The following RGSL1 variants were observed in gnomAD, a reference collection of about 807,000 sequenced individuals.
RGSL1 encodes regulator of G protein signaling like 1.
Under a neutral mutation model 124.7 loss-of-function variants are expected in RGSL1, and 97 were observed. The observed-to-expected ratio is 0.78, with a 90% CI of 0.66 to 0.92. The LOEUF (loss-of-function observed/expected upper bound fraction) is 0.92, where lower values mean the gene tolerates loss of function less well. Among genes scored for constraint, RGSL1 ranks in the 40% least tolerant of loss-of-function variants. RGSL1 has a pLI of 0.00. For synonymous variants in RGSL1, 424 were observed against 438.1 expected (o/e 0.97, Z 0.40); for missense variants, 1,233 against 1,288.4 (o/e 0.96, Z 0.66).
In RGSL1 at chr1:182,551,195, C is replaced by A. The variant is rs1660540582; in HGVS notation, c.3029C>A (p.Pro1010His). ...CCTCCTAAATCTACGGACAAGTATC[C>A]TTTCTCGAGTGGAGGTAAGCTCCAC... ...KSPPKSTDKYPFSSGGDNAIL... is the reference protein window; with the variant it reads ...KSPPKSTDKYHFSSGGDNAIL... The change falls in exon 18 of 22, where the codon CCT (proline) becomes CAT (histidine). Residue 1010 changes from proline to histidine, a missense_variant. Coordinates refer to ENST00000294854, the MANE Select transcript of RGSL1 (RefSeq NM_001137669.2). The A allele has an allele frequency of 6.4e-7, 1 of 1,550,774 alleles. No individual in the cohort carries two copies. Among genetic ancestry groups the A allele is most frequent in the Non-Finnish European group, 8.7e-7 (1 of 1,146,374 alleles).
intron 6 of RGSL1, among the ~76,000 whole-genome samples, chr1:182,485,557 C>T (rs1011024240): frequency 1.3e-5 from 2 of 152,120 alleles, no homozygotes; most frequent in African/African-American, 4.8e-5. Context: ...CATGTTCATC[C>T]TCTTCTGATC....
In RGSL1 at chr1:182,493,034, T is replaced by C; in HGVS notation, c.1730T>C (p.Met577Thr). The C allele has an allele frequency of 1.9e-6, 3 of 1,550,168 alleles. No homozygotes were observed. The highest frequency in any genetic ancestry group is 2.4e-5 in the East Asian group (1 of 40,888). Residue 577 changes from methionine (M) to threonine (T), a missense_variant, in exon 9 of 22, where the codon ATG becomes ACG. Met to Thr is a moderately conservative substitution (Grantham distance 81). Transcript: ENST00000294854. ...CCTTACTTCACAGACATAACTAAAA[T>C]GTCCTTTGAGGAGCTTTGCTACAAG... Reference protein sequence around the residue: ...SPVFLTDITKMSFEELCYKNP... With the variant: ...SPVFLTDITKTSFEELCYKNP...
Position 182,473,939 on chromosome 1 carries a change from T to G in RGSL1, c.828T>G (p.Gly276=). The G allele has an allele frequency of 6.4e-7, 1 of 1,552,050 alleles. No individual in the cohort carries two copies. The highest frequency in any genetic ancestry group is 1.2e-5 in the South Asian group (1 of 84,062). The part of the protein sequence containing the change: ...LEMDLKPDAI[G]MPLQETCPQE... ...TGGATCTCAAGCCAGATGCTATTGG[T>G]ATGCCCCTACAGGAGACATGTCCTC... is the stretch of plus-strand genomic sequence containing the variant. The change falls in exon 6 of 22, where the codon GGT becomes GGG. Residue 276 remains glycine, a synonymous_variant. Coordinates refer to ENST00000294854, the MANE Select transcript of RGSL1 (RefSeq NM_001137669.2).
rs1325694234 is a variant in RGSL1 at position 182,453,991 on chromosome 1, T to C, written c.47T>C (p.Leu16Pro). 4 of 1,535,346 alleles carry C rather than the reference T, an allele frequency of 2.6e-6. No individual in the cohort carries two copies. The South Asian group carries it at 3.6e-5, about 14-fold the overall frequency. The change falls in exon 2 of 22, where the codon CTA becomes CCA. Residue 16 changes from leucine (L) to proline (P), a missense_variant. Transcript: ENST00000294854. Reference protein sequence around the residue: ...IIGSTNLIILLEDEVFADFFN... With the variant: ...IIGSTNLIILPEDEVFADFFN... ...GGTTCTACAAATCTTATAATTCTGC[T>C]AGAGGATGAAGTCTTTGCCGATTTT...
intron 1 of RGSL1, 36 bp from the exon 2 acceptor site, chr1:182,453,922 C>A: frequency 8.8e-7 from 1 of 1,140,290 alleles, no homozygotes; most frequent in South Asian, 1.3e-5. Context: ...AATTCTGGTT[C>A]ATGTTTTGTT....
rs763553093 is a variant in RGSL1, at chr1:182,460,065, A to C, written c.233A>C (p.Lys78Thr). 1.3e-6 allele frequency: 2 copies of C among 1,551,702 alleles called. No homozygotes were observed. Among genetic ancestry groups the C allele is most frequent in the South Asian group, 2.4e-5 (2 of 84,060 alleles). ...AAATGCCGATTACCTTTCTTCTGTA[A>C]AACAAACTTGTGTTTCCATTACATT... ...LEKCRLPFFC[K>T]TNLCFHYILC... Residue 78 changes from lysine to threonine, a missense_variant, in exon 4 of 22, where the codon AAA becomes ACA. Coordinates refer to ENST00000294854, the MANE Select transcript of RGSL1 (RefSeq NM_001137669.2).
At chr1:182,517,276 A>G (rs1157663638) in intron 9 of RGSL1, among the ~76,000 whole-genome samples, 1 of 75,658 alleles carries the variant, frequency 1.3e-5, no homozygotes, top group Non-Finnish European at 2.6e-5. Context: ...CCTCTTTTCT[A>G]TTTCTGTTTT....
intron 4 of RGSL1, among the ~76,000 whole-genome samples, chr1:182,467,110 TA>T (rs1653401219): frequency 6.6e-6 from 1 of 152,020 alleles, no homozygotes; most frequent in Non-Finnish European, 1.5e-5. Flanking sequence ...CTCAATGAAA[TA>T]AAAGAGGACA....
intron 9 of RGSL1, among the ~76,000 whole-genome samples, chr1:182,516,407 C>T (rs1048280500): frequency 1.1e-4 from 17 of 152,206 alleles, no homozygotes; most frequent in African/African-American, 3.9e-4. Context: ...CATTTAGCCA[C>T]CCTACACCTT....
At chr1:182,504,227 C>T (rs928408801) in intron 9 of RGSL1, among the ~76,000 whole-genome samples, 5 of 151,970 alleles carry the variant, frequency 3.3e-5, no homozygotes, top group East Asian at 1.9e-4. Context: ...GTGATCCGCT[C>T]GCCTACAGCC....
intron 9 of RGSL1, among the ~76,000 whole-genome samples, chr1:182,506,969 C>T (rs1656853381): frequency 6.9e-6 from 1 of 145,116 alleles, no homozygotes; most frequent in South Asian, 2.2e-4. Flanking sequence ...GCTATATTCA[C>T]CCTGCTCACC....
intron 9 of RGSL1, among the ~76,000 whole-genome samples, chr1:182,515,129 C>T (rs1389116962): frequency 6.6e-6 from 1 of 152,196 alleles, no homozygotes; most frequent in Non-Finnish European, 1.5e-5. Flanking sequence ...CACTGCAGCC[C>T]ACACCCGTGA....
At chr1:182,526,803 A>G (rs1331568699) in intron 10 of RGSL1, among the ~76,000 whole-genome samples, 1 of 152,208 alleles carries the variant, frequency 6.6e-6, no homozygotes, top group Non-Finnish European at 1.5e-5. Flanking sequence ...TGTGATTTTT[A>G]AAACTCTCAA....
At chr1:182,532,178 T>C (rs906664075) in intron 13 of RGSL1, among the ~76,000 whole-genome samples, 2 of 151,890 alleles carry the variant, frequency 1.3e-5, no homozygotes, top group African/African-American at 4.8e-5. Flanking sequence ...CTTATGAAAT[T>C]CGTGTGTGTA....
chr1:182,518,707 TG>T (rs1658091651), intron 9 of RGSL1, among the ~76,000 whole-genome samples: 1 of 152,198 alleles, frequency 6.6e-6, no homozygotes, highest in Non-Finnish European at 1.5e-5. Flanking sequence ...GCACTGTTGC[TG>T]GGCATAATGC....
At chr1:182,465,199 T>C (rs533869351) in intron 4 of RGSL1, among the ~76,000 whole-genome samples, 2 of 145,832 alleles carry the variant, frequency 1.4e-5, no homozygotes, top group South Asian at 2.1e-4. Flanking sequence ...CTAGATGAGA[T>C]AGAAGGATTC....
At chr1:182,475,086 G>T (rs1654184900) in intron 6 of RGSL1, among the ~76,000 whole-genome samples, 1 of 152,146 alleles carries the variant, frequency 6.6e-6, no homozygotes, top group African/African-American at 2.4e-5. Flanking sequence ...ATGGAGGTGG[G>T]GAGTGGTTGA....
At position 182,522,099 on chromosome 1, in the gene RGSL1, A is replaced by G. The variant is rs540607904; in HGVS notation, c.1921A>G (p.Met641Val). 6 of 1,548,610 alleles carry G rather than the reference A, an allele frequency of 3.9e-6. No homozygotes were observed. In the African/African-American group the frequency reaches 4.1e-5, roughly 11 times the overall value. Residue 641 changes from methionine (M) to valine (V), a missense_variant, in exon 10 of 22, where the codon ATG (methionine) becomes GTG (valine). Transcript: ENST00000294854. ...LKRTLVRKPS[M>V]RPRNLTEVLL... ...AAGAACTCTTGTAAGGAAGCCATCA[A>G]TGAGACCCAGGTGAGATATAGAATC... is the stretch of plus-strand genomic sequence containing the variant.
At chr1:182,530,186 G>A in intron 11 of RGSL1, 58 bp from the exon 12 acceptor site, 1 of 1,303,828 alleles carries the variant, frequency 7.7e-7, no homozygotes, top group Non-Finnish European at 1.1e-6. Context: ...AAAACCACCA[G>A]CTATCTCAGA....
Sources: allele counts gnomAD v4.1 joint callset (sites outside exome capture counted in the v4.1 genomes callset), GRCh38; gene constraint gnomAD v4.1.1; transcripts MANE v1.5; gene names NCBI Gene and HGNC (gene_info 2026-07-23, HGNC 2026-07-21).